The following PNISR variants were observed in gnomAD, a reference collection of about 807,000 sequenced individuals.
PNISR encodes the protein PNN interacting serine and arginine rich protein.
Under a neutral mutation model 93.4 loss-of-function variants are expected in PNISR, and 20 were observed. That is an observed-to-expected ratio of 0.21 (90% CI 0.15 to 0.31). The LOEUF is 0.31. Among genes scored for constraint, PNISR ranks in the 10% least tolerant of loss-of-function variants. The pLI, the probability that PNISR is intolerant of heterozygous loss-of-function variation, is 1.00. For missense variants in PNISR, 893 were observed against 985.4 expected, an observed-to-expected ratio of 0.91 and a Z score of 1.25; for synonymous variants, 305 against 306.5, an observed-to-expected ratio of 0.99 and a Z score of 0.05.
At chr6:99,411,678 G>A (rs556682903) in intron 4 of PNISR, 1 of 153,174 alleles carries the variant, frequency 6.5e-6, no homozygotes, top group South Asian at 2.0e-4. Flanking sequence ...GCAGTGGCGT[G>A]ATCACAGCTC....
chr6:99,410,531 ATC>A, intron 5 of PNISR: 3 of 522,900 alleles, frequency 5.7e-6, no homozygotes, highest in Non-Finnish European at 1.0e-5. Context: ...TTCCGTAATG[ATC>A]TTTTATACCA....
rs1779298751 is a variant in PNISR, at chr6:99,424,990, G to A, written c.-112+225C>T. On this transcript the variant is annotated intron_variant, in intron 1 of 11. Coordinates refer to ENST00000369239, the MANE Select transcript of PNISR (RefSeq NM_032870.4). ...CCGAGAGGAAACTCTGTGAGAAGATGGGACCGTGAGCACTCTCTTTAACAA... is the reference window on the plus strand; with the variant it reads ...CCGAGAGGAAACTCTGTGAGAAGATAGGACCGTGAGCACTCTCTTTAACAA... 6 of 368,334 alleles carry A rather than the reference G, an allele frequency of 1.6e-5. No homozygotes were observed. The Admixed American group carries it at 2.8e-4, about 17-fold the overall frequency. 22.8% of individuals were successfully genotyped at this position (368,334 alleles called of 1,614,324 possible).
In PNISR at chr6:99,403,856, T is replaced by G; in HGVS notation, c.1129A>C (p.Ser377Arg). 6.2e-7 allele frequency: 1 copy of G among 1,613,622 alleles called. No individual in the cohort carries two copies. The highest frequency in any genetic ancestry group is 8.5e-7 in the Non-Finnish European group (1 of 1,179,696). Residue 377 changes from serine (S) to arginine (R), a missense_variant, in exon 10 of 12, where the codon AGT becomes CGT. Around this residue, in one of 3 missense-constraint regions of PNISR, gnomAD observed 866 missense variants for 935.1 expected, o/e 0.93. Transcript: ENST00000369239. ...AGTCCAGTGAGGGAAGCCAGTGCAC[T>G]GGACTGTGCCAGCTGTTTTGCAGGA... ...KAPAKQLAQSSALASLTGLGG... is the reference protein window; with the variant it reads ...KAPAKQLAQSRALASLTGLGG...
intron 3 of PNISR, 125 bp from the exon 4 acceptor site, chr6:99,412,864 G>C: frequency 1.8e-6 from 1 of 570,458 alleles, no homozygotes; most frequent in Non-Finnish European, 2.8e-6. Context: ...GAGGGTATGA[G>C]GGAAATTAGA....
rs2128477439 is a variant in PNISR at position 99,400,766 on chromosome 6, A to G, written c.2192T>C (p.Ile731Thr). Reference protein sequence around the residue: ...FSRSGSISVKIIRHDSRQDSK... With the variant: ...FSRSGSISVKTIRHDSRQDSK... ...ATCCTGTCTAGAATCATGTCTTATGATTTTAACAGATATAGAACCACTCCT... is the reference window on the plus strand; with the variant it reads ...ATCCTGTCTAGAATCATGTCTTATGGTTTTAACAGATATAGAACCACTCCT... The change falls in exon 12 of 12, where the codon ATC becomes ACC. Residue 731 changes from isoleucine (I) to threonine (T), a missense_variant. By Grantham distance (89) the Ile-to-Thr change is moderately conservative. Coordinates refer to ENST00000369239, the MANE Select transcript of PNISR (RefSeq NM_032870.4). 1 of 1,610,534 alleles carries G rather than the reference A, an allele frequency of 6.2e-7. No homozygotes were observed. Among genetic ancestry groups the G allele is most frequent in the Non-Finnish European group, 8.5e-7 (1 of 1,178,248 alleles).
At position 99,412,574 on chromosome 6, in the gene PNISR, T is replaced by G; in HGVS notation, c.254A>C (p.Asn85Thr). The part of the protein sequence containing the change: ...NNHGNFQGDS[N>T]FNRMWQPEWG... ...ACCTGGTTGCCACATTCTGTTGAAGTTTGAATCCCCTTGGAAATTCCCATG... is the reference window on the plus strand; with the variant it reads ...ACCTGGTTGCCACATTCTGTTGAAGGTTGAATCCCCTTGGAAATTCCCATG... Residue 85 changes from asparagine (N) to threonine (T), a missense_variant, in exon 4 of 12, where the codon AAC (asparagine) becomes ACC (threonine). Around this residue, in one of 3 missense-constraint regions of PNISR, gnomAD observed 866 missense variants for 935.1 expected, o/e 0.93. Coordinates refer to ENST00000369239, the MANE Select transcript of PNISR (RefSeq NM_032870.4). The G allele has an allele frequency of 6.3e-7, 1 of 1,599,420 alleles. No homozygotes were observed. The highest frequency in any genetic ancestry group is 8.5e-7 in the Non-Finnish European group (1 of 1,174,810).
Position 99,402,633 on chromosome 6 carries a change from C to T in PNISR, c.1234G>A (p.Asp412Asn), listed in dbSNP as rs1775655850. The part of the protein sequence containing the change: ...DRGSESSDTD[D>N]EELRHRIRQK... ...CGGATTCGATGCCGTAATTCTTCAT[C>T]ATCAGTGTCAGATGACTCAGATCCT... is the stretch of plus-strand genomic sequence containing the variant. The change falls in exon 11 of 12, where the codon GAT (aspartate) becomes AAT (asparagine). Residue 412 changes from aspartate (D) to asparagine (N), a missense_variant. Asp to Asn is a conservative substitution (Grantham distance 23). Coordinates refer to ENST00000369239, the MANE Select transcript of PNISR (RefSeq NM_032870.4). 2.5e-6 allele frequency: 4 copies of T among 1,613,636 alleles called. No individual in the cohort carries two copies. Among genetic ancestry groups the T allele is most frequent in the Non-Finnish European group, 3.4e-6 (4 of 1,179,676 alleles).
chr6:99,408,367 C>T, intron 6 of PNISR, 96 bp from the exon 7 acceptor site: 1 of 814,726 alleles, frequency 1.2e-6, no homozygotes, highest in South Asian at 1.7e-5. Flanking sequence ...AAATATCATG[C>T]CTTTCTTCAA....
intron 1 of PNISR, among the ~76,000 whole-genome samples, chr6:99,420,289 A>G (rs1778375307): frequency 6.6e-6 from 1 of 152,228 alleles, no homozygotes; most frequent in East Asian, 1.9e-4. Context: ...AAATTTTGAT[A>G]ATCTTATCCA....
At position 99,398,910 on chromosome 6, in the gene PNISR, A is replaced by G. The variant is rs867970597; in HGVS notation, c.*1630T>C. 1 of 152,096 alleles carries G rather than the reference A, an allele frequency of 6.6e-6. No individual in the cohort carries two copies. The allele number at this position is 152,096 out of a possible 1,614,324, so 9.4% of individuals were successfully genotyped here. A position where few individuals can be genotyped will look rare whatever the true frequency, so the allele number is the denominator to read the frequency against. ...ATTCTGTGAAATGTCATCTTTATAA[A>G]TATCAGAACTAAATGCACTGTAAAC... On this transcript the variant is annotated 3_prime_UTR_variant, in exon 12 of 12. Coordinates refer to ENST00000369239, the MANE Select transcript of PNISR (RefSeq NM_032870.4).
chr6:99,400,916 T>A lies in PNISR; in HGVS notation c.2042A>T (p.Asp681Val). Residue 681 changes from aspartate (D) to valine (V), a missense_variant, in exon 12 of 12, where the codon GAC becomes GTC. Physicochemically the swap from Asp to Val is radical, Grantham distance 152 (BLOSUM62 -3). Transcript: ENST00000369239. ...RSIDKDRKKK[D>V]KEREREQDKR... ...ATCCTGTTCACGTTCCCTTTCTTTGTCTTTCTTTTTCCTATCTTTATCTAT... is the reference window on the plus strand; with the variant it reads ...ATCCTGTTCACGTTCCCTTTCTTTGACTTTCTTTTTCCTATCTTTATCTAT... The A allele has an allele frequency of 6.4e-7, 1 of 1,571,704 alleles. No homozygotes were observed. Among genetic ancestry groups the A allele is most frequent in the East Asian group, 2.2e-5 (1 of 44,660 alleles).
Position 99,406,066 on chromosome 6 carries a change from G to T in PNISR, c.967C>A (p.Pro323Thr). 1 of 1,611,068 alleles carries T rather than the reference G, an allele frequency of 6.2e-7. No homozygotes were observed. Among genetic ancestry groups the T allele is most frequent in the Non-Finnish European group, 8.5e-7 (1 of 1,177,668 alleles). Reference sequence around the variant, plus strand: ...TCTTTCTCCTCTTCAGTCATCTCAGGGTCACTGTGCTCTTCTTGAGGAACT... The same window carrying T: ...TCTTTCTCCTCTTCAGTCATCTCAGTGTCACTGTGCTCTTCTTGAGGAACT... The part of the protein sequence containing the change: ...SPVPQEEHSD[P>T]EMTEEEKEYQ... Residue 323 changes from proline to threonine, a missense_variant, in exon 8 of 12, where the codon CCT becomes ACT. Around this residue, in one of 3 missense-constraint regions of PNISR, gnomAD observed 866 missense variants for 935.1 expected, o/e 0.93. Coordinates refer to ENST00000369239, the MANE Select transcript of PNISR (RefSeq NM_032870.4).
At position 99,400,737 on chromosome 6, in the gene PNISR, T is replaced by C. The variant is rs1298976136; in HGVS notation, c.2221A>G (p.Lys741Glu). The change falls in exon 12 of 12, where the codon AAG becomes GAG. Residue 741 changes from lysine to glutamate, a missense_variant. Lys to Glu is a moderately conservative substitution (Grantham distance 56). This residue lies in a region of PNISR where 866 missense variants were observed against 935.1 expected (regional missense o/e 0.93). Coordinates refer to ENST00000369239, the MANE Select transcript of PNISR (RefSeq NM_032870.4). Reference sequence around the variant, plus strand: ...TTACTATCTTTGGTAGTACTTTTCTTACTATCCTGTCTAGAATCATGTCTT... The same window carrying C: ...TTACTATCTTTGGTAGTACTTTTCTCACTATCCTGTCTAGAATCATGTCTT... ...IIRHDSRQDS[K>E]KSTTKDSKKH... 6.2e-7 allele frequency: 1 copy of C among 1,611,992 alleles called. No homozygotes were observed. Among genetic ancestry groups the C allele is most frequent in the Non-Finnish European group, 8.5e-7 (1 of 1,179,190 alleles).
At position 99,400,785 on chromosome 6, in the gene PNISR, C is replaced by A; in HGVS notation, c.2173G>T (p.Gly725Cys). Residue 725 changes from glycine to cysteine, a missense_variant, in exon 12 of 12, where the codon GGT (glycine) becomes TGT (cysteine). Physicochemically the swap from Gly to Cys is radical, Grantham distance 159 (BLOSUM62 -3). Around this residue, in one of 3 missense-constraint regions of PNISR, gnomAD observed 866 missense variants for 935.1 expected, o/e 0.93. Coordinates refer to ENST00000369239, the MANE Select transcript of PNISR (RefSeq NM_032870.4). ...CTTATGATTTTAACAGATATAGAAC[C>A]ACTCCTAGAAAATGTTCTTTCACTT... The part of the protein sequence containing the change: ...RESERTFSRS[G>C]SISVKIIRHD... 1 of 1,611,390 alleles carries A rather than the reference C, an allele frequency of 6.2e-7. No individual in the cohort carries two copies. The highest frequency in any genetic ancestry group is 8.5e-7 in the Non-Finnish European group (1 of 1,177,986).
At chr6:99,422,833 C>T (rs1036957848) in intron 1 of PNISR, among the ~76,000 whole-genome samples, 1 of 142,876 alleles carries the variant, frequency 7.0e-6, no homozygotes, top group Non-Finnish European at 1.5e-5. Flanking sequence ...AAGATTGTGC[C>T]ACCACTGCAC....
intron 1 of PNISR, among the ~76,000 whole-genome samples, chr6:99,420,799 G>A (rs779851511): frequency 2.4e-4 from 37 of 152,142 alleles, no homozygotes; most frequent in Non-Finnish European, 4.7e-4. Flanking sequence ...CATTTAATAA[G>A]TTAAAGATGA....
At chr6:99,404,980 T>C (rs755712568) in intron 8 of PNISR, among the ~76,000 whole-genome samples, 14 of 152,108 alleles carry the variant, frequency 9.2e-5, no homozygotes, top group South Asian at 2.1e-4. Context: ...GGTTTCACCA[T>C]GTTGGCCAGG....
intron 8 of PNISR, among the ~76,000 whole-genome samples, chr6:99,405,062 A>T (rs1178481271): frequency 6.6e-6 from 1 of 152,118 alleles, no homozygotes; most frequent in Non-Finnish European, 1.5e-5. Context: ...TACAGGCGTG[A>T]GCCACCGTGC....
chr6:99,408,221 T>C lies in PNISR; in HGVS notation c.724A>G (p.Lys242Glu). The change falls in exon 7 of 12, where the codon AAA (lysine) becomes GAA (glutamate). Residue 242 changes from lysine to glutamate, a missense_variant. Physicochemically the swap from Lys to Glu is moderately conservative, Grantham distance 56. This residue lies in a region of PNISR where 866 missense variants were observed against 935.1 expected (regional missense o/e 0.93). Coordinates refer to ENST00000369239, the MANE Select transcript of PNISR (RefSeq NM_032870.4). ...LPAWIREGLEKMEREKQKKLE... is the reference protein window; with the variant it reads ...LPAWIREGLEEMEREKQKKLE... ...TTCTTCTGCTTTTCACGTTCCATTT[T>C]TTCAAGACCTTCGCGAATCCAAGCG... 6.2e-7 allele frequency: 1 copy of C among 1,613,904 alleles called. No individual in the cohort carries two copies.
Sources: gnomAD v4.1 joint callset for allele counts (sites outside exome capture counted in the v4.1 genomes callset) on GRCh38, gnomAD v4.1.1 for gene constraint, gnomAD v4.1.1 regional missense constraint, MANE v1.5 for transcripts, NCBI Gene and HGNC (gene_info 2026-07-23, HGNC 2026-07-21) for gene names.